KIZ: variants seen among roughly 807,000 people sequenced by gnomAD.
KIZ encodes the protein centrosomal protein kizuna.
KIZ carries 68 observed loss-of-function variants against 79.6 expected under a neutral mutation model. The ratio of observed to expected loss-of-function variants is 0.85; its 90% CI spans 0.70 to 1.05. The LOEUF (loss-of-function observed/expected upper bound fraction) is 1.05, where lower values mean the gene tolerates loss of function less well. Among genes scored for constraint, KIZ ranks in the 50% least tolerant of loss-of-function variants. KIZ has a pLI of 0.00. For synonymous variants in KIZ, 280 were observed against 281.8 expected (o/e 0.99, Z 0.06); for missense variants, 797 against 800.4 (o/e 1.00, Z 0.05).
chr20:21,171,135 T>C (rs2034188632), intron 6 of KIZ, among the ~76,000 whole-genome samples: 1 of 152,224 alleles, frequency 6.6e-6, no homozygotes, highest in African/African-American at 2.4e-5. Context: ...TTCTAAAAGG[T>C]GTTTAGTGGT....
intron 6 of KIZ, among the ~76,000 whole-genome samples, chr20:21,190,315 T>A (rs1361894036): frequency 2.6e-5 from 4 of 152,262 alleles, no homozygotes; most frequent in Non-Finnish European, 5.9e-5. Flanking sequence ...GTAATGCTGC[T>A]TAACAAAAGC....
intron 1 of KIZ, among the ~76,000 whole-genome samples, chr20:21,126,691 G>C (rs2031497856): frequency 6.6e-6 from 1 of 152,140 alleles, no homozygotes; most frequent in Non-Finnish European, 1.5e-5. Context: ...TTAAACTCAG[G>C]AGACTTTTAG....
chr20:21,222,627 G>A (rs2036535063), intron 9 of KIZ, among the ~76,000 whole-genome samples: 1 of 152,214 alleles, frequency 6.6e-6, no homozygotes, highest in Non-Finnish European at 1.5e-5. Context: ...AGTTCTGAGA[G>A]CTAGAAGTCT....
intron 6 of KIZ, among the ~76,000 whole-genome samples, chr20:21,183,365 T>A (rs1197002595): frequency 6.6e-6 from 1 of 152,242 alleles, no homozygotes; most frequent in Admixed American, 6.5e-5. Flanking sequence ...CATTTTAAGT[T>A]AGTGAATTTT....
intron 4 of KIZ, among the ~76,000 whole-genome samples, chr20:21,149,912 G>A (rs1600388762): frequency 6.6e-6 from 1 of 152,248 alleles, no homozygotes; most frequent in East Asian, 1.9e-4. Context: ...TTGAGTGTAA[G>A]TAGTTTATAT....
chr20:21,224,386 T>C (rs2036597027), intron 9 of KIZ, among the ~76,000 whole-genome samples: 1 of 152,238 alleles, frequency 6.6e-6, no homozygotes, highest in Non-Finnish European at 1.5e-5. Flanking sequence ...TTTTATTTTA[T>C]TTTGCAAAAA....
chr20:21,162,113 G>A lies in KIZ; in HGVS notation c.648G>A (p.Gln216=). Residue 216 remains glutamine, a synonymous_variant, in exon 5 of 13, where the codon CAG becomes CAA. Coordinates refer to ENST00000619189, the MANE Select transcript of KIZ (RefSeq NM_018474.6). ...SCVVQTSNDT[Q]CLNKSDNIDG... is the part of the protein sequence containing the mutation. ...TAGTACAAACTAGTAATGACACACA[G>A]TGCTTAAATAAGTCTGACAACATAG... 4 of 1,613,160 alleles carry A rather than the reference G, an allele frequency of 2.5e-6. No homozygotes were observed. Among genetic ancestry groups the A allele is most frequent in the Non-Finnish European group, 3.4e-6 (4 of 1,179,464 alleles).
intron 6 of KIZ, among the ~76,000 whole-genome samples, chr20:21,173,455 G>A (rs996971780): frequency 6.6e-6 from 1 of 151,866 alleles, no homozygotes; most frequent in Admixed American, 6.6e-5. Flanking sequence ...GCGGGTGCCT[G>A]TAATCCCAGC....
intron 1 of KIZ, among the ~76,000 whole-genome samples, chr20:21,128,734 C>T (rs2031646606): frequency 1.3e-5 from 2 of 152,140 alleles, no homozygotes; most frequent in Non-Finnish European, 2.9e-5. Flanking sequence ...GTGGAATTGG[C>T]TCTTACGGTT....
chr20:21,152,265 A>G (rs1445859697), intron 4 of KIZ, among the ~76,000 whole-genome samples: 1 of 152,192 alleles, frequency 6.6e-6, no homozygotes, highest in Non-Finnish European at 1.5e-5. Context: ...CTTATGTCTC[A>G]TTTCTATAAT....
chr20:21,221,927 A>T (rs2036515261), intron 9 of KIZ, among the ~76,000 whole-genome samples: 1 of 152,168 alleles, frequency 6.6e-6, no homozygotes, highest in Non-Finnish European at 1.5e-5. Context: ...CCTATCCCAA[A>T]GCATTTTCCT....
At chr20:21,149,704 C>T (rs1207782984) in intron 4 of KIZ, among the ~76,000 whole-genome samples, 1 of 152,214 alleles carries the variant, frequency 6.6e-6, no homozygotes, top group East Asian at 1.9e-4. Context: ...TTCCCAGGAT[C>T]TGAGCACCAT....
intron 6 of KIZ, chr20:21,166,362 A>G (rs1457093979): frequency 8.1e-6 from 13 of 1,604,226 alleles, no homozygotes; most frequent in African/African-American, 5.4e-5. Context: ...TTGCACGTCA[A>G]ATCTGGAGCT....
chr20:21,227,066 A>G (rs146429035), intron 9 of KIZ, among the ~76,000 whole-genome samples: 247 of 152,322 alleles, frequency 1.6e-3, no homozygotes, highest in African/African-American at 5.7e-3. Context: ...GAGTATCAAA[A>G]TGGTCCCTTG....
intron 6 of KIZ, among the ~76,000 whole-genome samples, chr20:21,163,461 C>T (rs2033791199): frequency 6.6e-6 from 1 of 152,154 alleles, no homozygotes; most frequent in Non-Finnish European, 1.5e-5. Flanking sequence ...AAGTCATTCC[C>T]CAACCCCCTA....
chr20:21,166,909 T>C (rs1568938771), intron 6 of KIZ, among the ~76,000 whole-genome samples: 1 of 152,222 alleles, frequency 6.6e-6, no homozygotes, highest in Admixed American at 6.5e-5. Context: ...CAGAGAGATT[T>C]AAAGCAGCTA....
intron 9 of KIZ, among the ~76,000 whole-genome samples, chr20:21,223,081 T>G (rs949219861): frequency 1.3e-4 from 20 of 152,226 alleles, no homozygotes; most frequent in Non-Finnish European, 2.4e-4. Flanking sequence ...TCTCATTAAA[T>G]AAATCATTGA....
chr20:21,208,416 G>T (rs2035927497), intron 7 of KIZ, among the ~76,000 whole-genome samples: 1 of 152,128 alleles, frequency 6.6e-6, no homozygotes, highest in Non-Finnish European at 1.5e-5. Context: ...CTTAAAAATG[G>T]AAATAGGCTG....
intron 7 of KIZ, among the ~76,000 whole-genome samples, chr20:21,213,355 G>A (rs929645689): frequency 2.6e-5 from 4 of 152,222 alleles, no homozygotes; most frequent in Non-Finnish European, 4.4e-5. Flanking sequence ...TTAATCACAA[G>A]GAAGGTTGTT....
Sources: gnomAD v4.1 joint callset for allele counts (sites outside exome capture counted in the v4.1 genomes callset) on GRCh38, gnomAD v4.1.1 for gene constraint, MANE v1.5 for transcripts, NCBI Gene and HGNC (gene_info 2026-07-23, HGNC 2026-07-21) for gene names.